The following PKHD1L1 variants were observed in gnomAD, a reference collection of about 807,000 sequenced individuals.
The protein encoded by PKHD1L1 is fibrocystin-L.
In PKHD1L1, 434 loss-of-function variants were observed where a neutral mutation model predicts 462.9. That is an observed-to-expected ratio of 0.94 (90% CI 0.87 to 1.02). The LOEUF is 1.02. PKHD1L1 is among the 50% of genes least tolerant of loss of function. PKHD1L1 has a pLI of 0.00. For synonymous variants in PKHD1L1, 1,781 were observed against 1,750.0 expected, an observed-to-expected ratio of 1.02 and a Z score of -0.44; for missense variants, 5,202 against 5,096.1, an observed-to-expected ratio of 1.02 and a Z score of -0.63.
In PKHD1L1 at chr8:109,362,482, G is replaced by A. The variant is rs1047560511; in HGVS notation, c.-99G>A. On this transcript the variant is annotated 5_prime_UTR_variant, in exon 1 of 78. Coordinates refer to ENST00000378402, the MANE Select transcript of PKHD1L1 (RefSeq NM_177531.6). ...CCCAGTTCCCCAGCTCTCCCGGGAC[G>A]AAGCGGGCCCGCCAGCGAGTCGCAG... 7 of 1,235,902 alleles carry A rather than the reference G, an allele frequency of 5.7e-6. No individual in the cohort carries two copies. The highest frequency in any genetic ancestry group is 4.5e-5 in the African/African-American group (3 of 66,660). 76.6% of individuals were successfully genotyped at this position (1,235,902 alleles called of 1,614,324 possible). A position where few individuals can be genotyped will look rare whatever the true frequency, so the allele number is the denominator to read the frequency against.
chr8:109,453,017 G>A (rs1054491821), intron 43 of PKHD1L1, 143 bp downstream of exon 43: 89 of 638,308 alleles, frequency 1.4e-4, no homozygotes, highest in Non-Finnish European at 1.8e-4. Context: ...TCTAAATTGA[G>A]TATTACAATC....
At chr8:109,390,696 G>A (rs1331002015) in intron 9 of PKHD1L1, among the ~76,000 whole-genome samples, 2 of 152,000 alleles carry the variant, frequency 1.3e-5, no homozygotes, top group East Asian at 3.9e-4. Flanking sequence ...GGGAAATCTA[G>A]CATTAACTAA....
chr8:109,468,727 T>C (rs1246474287), intron 50 of PKHD1L1, among the ~76,000 whole-genome samples: 2 of 152,166 alleles, frequency 1.3e-5, no homozygotes, highest in African/African-American at 4.8e-5. Flanking sequence ...TGTTAGCATG[T>C]TAGCATTGGT....
chr8:109,442,338 T>A, intron 35 of PKHD1L1, 143 bp downstream of exon 35: 1 of 791,658 alleles, frequency 1.3e-6, no homozygotes, highest in Non-Finnish European at 1.9e-6. Flanking sequence ...ATTGCTGCAG[T>A]AAAAATGTTA....
intron 68 of PKHD1L1, among the ~76,000 whole-genome samples, chr8:109,505,431 G>A (rs780698779): frequency 1.3e-5 from 2 of 152,044 alleles, no homozygotes; most frequent in Non-Finnish European, 2.9e-5. Flanking sequence ...TTCCAGAAGC[G>A]ATCATTTAGA....
At chr8:109,484,824 A>G (rs550847360) in intron 57 of PKHD1L1, among the ~76,000 whole-genome samples, 2 of 152,056 alleles carry the variant, frequency 1.3e-5, no homozygotes, top group East Asian at 3.9e-4. Context: ...TGGCTGAATT[A>G]AAGTTAAGAA....
chr8:109,394,325 G>T (rs1363254330), intron 9 of PKHD1L1, 90 bp from the exon 10 acceptor site: 4 of 770,740 alleles, frequency 5.2e-6, no homozygotes, highest in Admixed American at 3.0e-5. Context: ...CTCTTTTGCA[G>T]ATTATGACAT....
intron 67 of PKHD1L1, among the ~76,000 whole-genome samples, chr8:109,502,977 G>T (rs1037212890): frequency 2.6e-5 from 4 of 152,182 alleles, no homozygotes; most frequent in African/African-American, 9.6e-5. Context: ...CTCAGGTGAG[G>T]GAACTCTCAA....
rs747728874 is a variant in PKHD1L1, at chr8:109,448,440, C to G, written c.6025+49C>G. 6.0e-6 allele frequency: 9 copies of G among 1,501,998 alleles called. No individual in the cohort carries two copies. The Admixed American group carries it at 2.0e-4, about 33-fold the overall frequency. The allele number at this position is 1,501,998 out of a possible 1,614,324, so 93.0% of individuals were successfully genotyped here. A position where few individuals can be genotyped will look rare whatever the true frequency, so the allele number is the denominator to read the frequency against. On this transcript the variant is annotated intron_variant, in intron 39 of 77. Transcript: ENST00000378402. ...TGCAGATATTTTGTTTCAGTAAACA[C>G]TTATTTAGAAACCTTATTTAGAAAA...
intron 4 of PKHD1L1, among the ~76,000 whole-genome samples, chr8:109,383,710 T>C (rs1221438081): frequency 6.6e-6 from 1 of 151,786 alleles, no homozygotes; most frequent in African/African-American, 2.4e-5. Context: ...GGTTTTCTGG[T>C]ATGTCACACC....
chr8:109,458,792 G>T (rs985490715), intron 46 of PKHD1L1, among the ~76,000 whole-genome samples: 4 of 152,090 alleles, frequency 2.6e-5, no homozygotes, highest in Non-Finnish European at 2.9e-5. Flanking sequence ...CACTTTAGTA[G>T]ATAATATATT....
intron 2 of PKHD1L1, among the ~76,000 whole-genome samples, chr8:109,370,837 C>T (rs1811467162): frequency 6.6e-6 from 1 of 152,160 alleles, no homozygotes; most frequent in Non-Finnish European, 1.5e-5. Flanking sequence ...AGGACATGAA[C>T]TCATCAATTT....
intron 16 of PKHD1L1, 150 bp downstream of exon 16, chr8:109,405,280 G>A (rs9650039): frequency 0.31 from 147,881 of 475,760 alleles, 24,801 homozygotes; most frequent in East Asian, 0.45. Context: ...ATGGAAAAAA[G>A]CCTTCAGACT....
At chr8:109,368,819 T>C (rs1005086462) in intron 2 of PKHD1L1, among the ~76,000 whole-genome samples, 3 of 152,162 alleles carry the variant, frequency 2.0e-5, no homozygotes, top group Non-Finnish European at 4.4e-5. Context: ...GTCTCCAGTT[T>C]TTCTGCAAAA....
At chr8:109,453,909 T>C (rs1816676662) in intron 43 of PKHD1L1, among the ~76,000 whole-genome samples, 1 of 152,178 alleles carries the variant, frequency 6.6e-6, no homozygotes, top group Non-Finnish European at 1.5e-5. Context: ...ACTTTCCCAA[T>C]GTTCAAGGGA....
At chr8:109,499,907 T>C (rs971627446) in intron 67 of PKHD1L1, among the ~76,000 whole-genome samples, 56 of 152,198 alleles carry the variant, frequency 3.7e-4, no homozygotes, top group Admixed American at 1.8e-3. Context: ...ATCCCACATC[T>C]GGTGAGGTGG....
chr8:109,407,990 T>C, intron 17 of PKHD1L1, 59 bp from the exon 18 acceptor site: 2 of 1,199,232 alleles, frequency 1.7e-6, no homozygotes, highest in East Asian at 2.9e-5. Flanking sequence ...ATATATAGTT[T>C]TATATATAGG....
chr8:109,527,878 C>T (rs185808759), intron 77 of PKHD1L1, among the ~76,000 whole-genome samples: 3 of 152,174 alleles, frequency 2.0e-5, no homozygotes, highest in South Asian at 2.1e-4. Context: ...AGAGAAAAGC[C>T]CCAAAGCTAT....
intron 23 of PKHD1L1, 151 bp from the exon 24 acceptor site, chr8:109,424,934 T>C (rs914665254): frequency 3.3e-6 from 2 of 614,966 alleles, no homozygotes; most frequent in Non-Finnish European, 5.3e-6. Flanking sequence ...TGGCCTGTGT[T>C]GATTTATGTG....
Sources: gnomAD v4.1 joint callset for allele counts (sites outside exome capture counted in the v4.1 genomes callset) on GRCh38, gnomAD v4.1.1 for gene constraint, MANE v1.5 for transcripts, NCBI Gene and HGNC (gene_info 2026-07-23, HGNC 2026-07-21) for gene names.